PPP1R9B: variants seen among roughly 807,000 people sequenced by gnomAD.
The protein encoded by PPP1R9B is neurabin-2.
Under a neutral mutation model 75.8 loss-of-function variants are expected in PPP1R9B, and 17 were observed. The ratio of observed to expected loss-of-function variants is 0.22; its 90% CI spans 0.15 to 0.34. The LOEUF is 0.34. PPP1R9B is among the 10% of genes least tolerant of loss of function. The probability of loss-of-function intolerance (pLI) is 1.00; values close to 1 mark genes in which losing one functional copy is unlikely to be tolerated. For synonymous variants in PPP1R9B, 509 were observed against 535.4 expected (o/e 0.95, Z 0.68); for missense variants, 875 against 1,196.0 (o/e 0.73, Z 3.96).
chr17:50,141,599 G>C (rs1912380615), intron 3 of PPP1R9B, among the ~76,000 whole-genome samples: 1 of 150,698 alleles, frequency 6.6e-6, no homozygotes, highest in Non-Finnish European at 1.5e-5. Context: ...GGAGGTCAAG[G>C]CTGCAGTGAG....
At chr17:50,140,917 T>A (rs1213216290) in intron 4 of PPP1R9B, among the ~76,000 whole-genome samples, 1 of 152,040 alleles carries the variant, frequency 6.6e-6, no homozygotes, top group African/African-American at 2.4e-5. Flanking sequence ...GAGGTCCCAA[T>A]GAGGGGACCC....
Position 50,139,134 on chromosome 17 carries a change from GC to G in PPP1R9B, c.2073+128del. 1.0e-6 allele frequency: 1 copy of G among 993,190 alleles called. No homozygotes were observed. The highest frequency in any genetic ancestry group is 1.6e-6 in the Non-Finnish European group (1 of 623,152). The allele number at this position is 993,190 out of a possible 1,614,324, so 61.5% of individuals were successfully genotyped here. Reference sequence around the variant, plus strand: ...AATATCGTATCTATCATATCATCTTGCTTTAGAGCAGCTTGTTCTGTGGGTA... The same window carrying G: ...AATATCGTATCTATCATATCATCTTGTTTAGAGCAGCTTGTTCTGTGGGTA... On this transcript the variant is annotated intron_variant, in intron 7 of 9. Coordinates refer to ENST00000612501, the MANE Select transcript of PPP1R9B (RefSeq NM_032595.5). The surrounding 1 kb of genome is among the most constrained non-coding windows in gnomAD (Gnocchi z 5.0).
chr17:50,145,556 A>C (rs973376691), intron 1 of PPP1R9B, among the ~76,000 whole-genome samples: 1 of 152,192 alleles, frequency 6.6e-6, no homozygotes, highest in Non-Finnish European at 1.5e-5. Flanking sequence ...GAAACGTCCA[A>C]CTCAGGAACC....
Position 50,149,503 on chromosome 17 carries a change from A to T in PPP1R9B, c.1011T>A (p.Thr337=). 1 of 1,596,104 alleles carries T rather than the reference A, an allele frequency of 6.3e-7. No individual in the cohort carries two copies. Among genetic ancestry groups the T allele is most frequent in the Non-Finnish European group, 8.5e-7 (1 of 1,172,876 alleles). ...GCTCCTCGGGCGCGGGGCTGGCTGC[A>T]GTTGCCACGGTGCTGCCATTCTCCA... ...AALENGSTVA[T]AASPAPEEPK... is the part of the protein sequence containing the mutation. Residue 337 remains threonine (T), a synonymous_variant, in exon 1 of 10, where the codon ACT becomes ACA. Coordinates refer to ENST00000612501, the MANE Select transcript of PPP1R9B (RefSeq NM_032595.5). The surrounding 1 kb of genome is among the most constrained non-coding windows in gnomAD (Gnocchi z 7.2).
intron 8 of PPP1R9B, 127 bp from the exon 9 acceptor site, chr17:50,135,776 G>A (rs1175280770): frequency 8.4e-6 from 8 of 953,824 alleles, no homozygotes; most frequent in Non-Finnish European, 1.1e-5. Flanking sequence ...GGAGGCCCCA[G>A]GTTTTCCCAA....
In PPP1R9B at chr17:50,149,248, C is replaced by G. The variant is rs1912607727; in HGVS notation, c.1266G>C (p.Glu422Asp). The G allele has an allele frequency of 1.2e-6, 2 of 1,612,068 alleles. No individual in the cohort carries two copies. The highest frequency in any genetic ancestry group is 2.2e-5 in the East Asian group (1 of 44,796). ...EDDEDDEEDG[E>D]PPYEPESGCV... ...ACCCCGACTCGGGCTCGTAGGGGGG[C>G]TCCCCATCCTCCTCGTCGTCTTCGT... Residue 422 changes from glutamate (E) to aspartate (D), a missense_variant, in exon 1 of 10, where the codon GAG becomes GAC. Around this residue, in one of 4 missense-constraint regions of PPP1R9B, gnomAD observed 449 missense variants for 475.0 expected, o/e 0.95. Coordinates refer to ENST00000612501, the MANE Select transcript of PPP1R9B (RefSeq NM_032595.5). The surrounding 1 kb of genome is among the most constrained non-coding windows in gnomAD (Gnocchi z 7.2).
chr17:50,149,421 C>G lies in PPP1R9B; in HGVS notation c.1093G>C (p.Gly365Arg), dbSNP rs200456485. 5,478 of 1,610,358 alleles carry G rather than the reference C, an allele frequency of 3.4e-3. 36 individuals carry two copies. Among genetic ancestry groups the G allele is most frequent in the South Asian group, 0.01 (925 of 90,922 alleles). ...TCCGGGGCCCGGCCATTGCCCACCC[C>G]CCTCTCTGGCGGCGCTACCGCCGCC... ...EAAAVAPPER[G>R]VGNGRAPDVA... is the part of the protein sequence containing the mutation. The change falls in exon 1 of 10, where the codon GGG becomes CGG. Residue 365 changes from glycine (G) to arginine (R), a missense_variant. By Grantham distance (125) the Gly-to-Arg change is moderately radical. Around this residue, in one of 4 missense-constraint regions of PPP1R9B, gnomAD observed 449 missense variants for 475.0 expected, o/e 0.95. Coordinates refer to ENST00000612501, the MANE Select transcript of PPP1R9B (RefSeq NM_032595.5). The surrounding 1 kb of genome is among the most constrained non-coding windows in gnomAD (Gnocchi z 7.2).
rs975459865 is a variant in PPP1R9B at position 50,143,768 on chromosome 17, G to A, written c.1505-50C>T. Reference sequence around the variant, plus strand: ...GGCAGGGCTTGTAGGGGACAGACGAGAGACTCTCCACCCCGAATTCCAGGG... The same window carrying A: ...GGCAGGGCTTGTAGGGGACAGACGAAAGACTCTCCACCCCGAATTCCAGGG... On this transcript the variant is annotated intron_variant, in intron 2 of 9. Transcript: ENST00000612501. The A allele has an allele frequency of 3.7e-6, 6 of 1,607,388 alleles. No homozygotes were observed. In the African/African-American group the frequency reaches 6.7e-5, roughly 18 times the overall value.
chr17:50,141,925 C>T (rs993595914), intron 3 of PPP1R9B, among the ~76,000 whole-genome samples: 4 of 152,326 alleles, frequency 2.6e-5, no homozygotes, highest in African/African-American at 7.2e-5. Flanking sequence ...TCATACTTGA[C>T]TGAGCGGTGT....
chr17:50,146,881 C>T (rs1285939166), intron 1 of PPP1R9B, among the ~76,000 whole-genome samples: 1 of 152,176 alleles, frequency 6.6e-6, no homozygotes, highest in African/African-American at 2.4e-5. Flanking sequence ...ATGCCCCAGG[C>T]TCTGGGACAG....
chr17:50,149,737 G>GGGC lies in PPP1R9B; in HGVS notation c.774_776dup (p.Pro259dup), dbSNP rs755167550. 123 of 1,406,862 alleles carry GGGC rather than the reference G, an allele frequency of 8.7e-5. No homozygotes were observed. The highest frequency in any genetic ancestry group is 6.6e-5 in the Admixed American group (2 of 30,172). 87.1% of individuals were successfully genotyped at this position (1,406,862 alleles called of 1,614,324 possible). On this transcript the variant is annotated inframe_insertion, in exon 1 of 10. Transcript: ENST00000612501. This position sits in a 1 kb window ranked among gnomAD's most constrained non-coding sequence, Gnocchi z 7.2. ...CGGCCGGGGCATCCCCCGACGGGGC[G>GGGC]GGCGGCGGCGGCGGCGGGGGCTGGA...
rs1376976031 is a variant in PPP1R9B, at chr17:50,145,144, C to T, written c.1473G>A (p.Arg491=). Residue 491 remains arginine, a synonymous_variant, in exon 2 of 10, where the codon AGG becomes AGA. Transcript: ENST00000612501. ...CCAGCTCCACAGGGAACAGCTCCAA[C>T]CTCTCCACACGCTTCTCCAGCTCGT... ...AEYELEKRVE[R]LELFPVELEK... The T allele has an allele frequency of 1.9e-6, 3 of 1,614,032 alleles. No homozygotes were observed. The highest frequency in any genetic ancestry group is 3.3e-5 in the Admixed American group (2 of 60,026).
intron 1 of PPP1R9B, among the ~76,000 whole-genome samples, chr17:50,148,855 G>C (rs926083720): frequency 1.3e-5 from 2 of 152,262 alleles, no homozygotes; most frequent in African/African-American, 4.8e-5. Flanking sequence ...GGTGTCCCAG[G>C]ACCCGCGTGG....
At chr17:50,140,269 C>A in intron 4 of PPP1R9B, 41 bp from the exon 5 acceptor site, 1 of 1,560,660 alleles carries the variant, frequency 6.4e-7, no homozygotes, top group Non-Finnish European at 8.7e-7. Flanking sequence ...CTGTCCTCAG[C>A]CAGGTAATGC....
Position 50,135,695 on chromosome 17 carries a change from G to C in PPP1R9B, c.2304-46C>G, listed in dbSNP as rs756295758. On this transcript the variant is annotated intron_variant, in intron 8 of 9. Transcript: ENST00000612501. ...GATGGCAGGTAAGGGTGTGTGGTCT[G>C]GCTTTCATCCAGGGTGACCCAGGTC... 3.0e-5 allele frequency: 46 copies of C among 1,521,334 alleles called. No individual in the cohort carries two copies. In the South Asian group the frequency reaches 5.5e-4, roughly 18 times the overall value. 94.2% of individuals were successfully genotyped at this position (1,521,334 alleles called of 1,614,324 possible).
At position 50,139,249 on chromosome 17, in the gene PPP1R9B, A is replaced by G. The variant is rs1912307549; in HGVS notation, c.2073+14T>C. On this transcript the variant is annotated intron_variant, in intron 7 of 9. Transcript: ENST00000612501. This position sits in a 1 kb window ranked among gnomAD's most constrained non-coding sequence, Gnocchi z 5.0. ...CATGCACGCACGCAAAAGCACACACATACGCACCCTTACCTTTCTTTTCAG... is the reference window on the plus strand; with the variant it reads ...CATGCACGCACGCAAAAGCACACACGTACGCACCCTTACCTTTCTTTTCAG... The G allele has an allele frequency of 1.2e-6, 2 of 1,613,946 alleles. No homozygotes were observed. Among genetic ancestry groups the G allele is most frequent in the Non-Finnish European group, 8.5e-7 (1 of 1,179,900 alleles).
At position 50,149,361 on chromosome 17, in the gene PPP1R9B, C is replaced by T; in HGVS notation, c.1153G>A (p.Glu385Lys). The change falls in exon 1 of 10, where the codon GAG becomes AAG. Residue 385 changes from glutamate (E) to lysine (K), a missense_variant. Physicochemically the swap from Glu to Lys is moderately conservative, Grantham distance 56. This residue lies in a region of PPP1R9B where 449 missense variants were observed against 475.0 expected (regional missense o/e 0.95). Transcript: ENST00000612501. This position sits in a 1 kb window ranked among gnomAD's most constrained non-coding sequence, Gnocchi z 7.2. ...ACCAAGTCCGCCTCCGAGAAGTCCT[C>T]CTTCTTGGATTCATCTACCTCCTCA... ...APEEVDESKK[E>K]DFSEADLVDV... 6.2e-7 allele frequency: 1 copy of T among 1,613,360 alleles called. No individual in the cohort carries two copies. The highest frequency in any genetic ancestry group is 8.5e-7 in the Non-Finnish European group (1 of 1,179,764).
At chr17:50,147,649 A>G (rs1313548460) in intron 1 of PPP1R9B, among the ~76,000 whole-genome samples, 1 of 149,972 alleles carries the variant, frequency 6.7e-6, no homozygotes, top group African/African-American at 2.4e-5. Context: ...TCGCAAAATT[A>G]GTGGGGGTGG....
In PPP1R9B at chr17:50,139,229, A is replaced by C. The variant is rs1361299401; in HGVS notation, c.2073+34T>G. On this transcript the variant is annotated intron_variant, in intron 7 of 9. Transcript: ENST00000612501. This position sits in a 1 kb window ranked among gnomAD's most constrained non-coding sequence, Gnocchi z 5.0. Reference sequence around the variant, plus strand: ...ACCCTGCTCCTCAACACACACATGCACGCACGCAAAAGCACACACATACGC... The same window carrying C: ...ACCCTGCTCCTCAACACACACATGCCCGCACGCAAAAGCACACACATACGC... The C allele has an allele frequency of 1.2e-6, 2 of 1,613,160 alleles. No homozygotes were observed. The highest frequency in any genetic ancestry group is 1.7e-6 in the Non-Finnish European group (2 of 1,179,194).
Sources: allele counts gnomAD v4.1 joint callset (sites outside exome capture counted in the v4.1 genomes callset), GRCh38; gene constraint gnomAD v4.1.1; regional missense constraint gnomAD v4.1.1; non-coding constraint Gnocchi (gnomAD v3.1); transcripts MANE v1.5; gene names NCBI Gene and HGNC (gene_info 2026-07-23, HGNC 2026-07-21).